The following NELL1 variants were observed in gnomAD, a reference collection of about 807,000 sequenced individuals.
The protein encoded by NELL1 is protein kinase C-binding protein NELL1.
In NELL1, 76 loss-of-function variants were observed where a neutral mutation model predicts 107.4. The ratio of observed to expected loss-of-function variants is 0.71; its 90% CI spans 0.59 to 0.86. NELL1 has a LOEUF of 0.86. Ranked by LOEUF, NELL1 falls within the 40% of genes least tolerant of loss-of-function variation. The pLI, the probability that NELL1 is intolerant of heterozygous loss-of-function variation, is 0.00. For missense variants in NELL1, 1,024 were observed against 1,005.5 expected (o/e 1.02, Z -0.25); for synonymous variants, 353 against 341.2 (o/e 1.03, Z -0.38).
At chr11:21,211,618 T>C (rs766957421) in intron 13 of NELL1, among the ~76,000 whole-genome samples, 1 of 152,084 alleles carries the variant, frequency 6.6e-6, no homozygotes, top group African/African-American at 2.4e-5. Flanking sequence ...ATTGGGAAGC[T>C]ATAGCAATAG....
intron 15 of NELL1, among the ~76,000 whole-genome samples, chr11:21,493,869 A>G (rs1854902874): frequency 6.6e-6 from 1 of 152,030 alleles, no homozygotes; most frequent in Non-Finnish European, 1.5e-5. Flanking sequence ...TACCCTATAA[A>G]TATGTAAAAT....
Position 20,847,636 on chromosome 11 carries a change from T to C in NELL1, c.389T>C (p.Ile130Thr). Reference sequence around the variant, plus strand: ...AGGGATGAGATTCGGTATCACTACATACACAATGGGAAGCCAAGGACAGAG... The same window carrying C: ...AGGGATGAGATTCGGTATCACTACACACACAATGGGAAGCCAAGGACAGAG... ...GLRDEIRYHY[I>T]HNGKPRTEAL... is the part of the protein sequence containing the mutation. Residue 130 changes from isoleucine (I) to threonine (T), a missense_variant, in exon 4 of 20, where the codon ATA becomes ACA. Coordinates refer to ENST00000357134, the MANE Select transcript of NELL1 (RefSeq NM_006157.5). 2 of 1,613,936 alleles carry C rather than the reference T, an allele frequency of 1.2e-6. No homozygotes were observed. The highest frequency in any genetic ancestry group is 8.5e-7 in the Non-Finnish European group (1 of 1,179,886).
intron 10 of NELL1, among the ~76,000 whole-genome samples, chr11:20,944,338 A>T (rs540177750): frequency 8.6e-5 from 13 of 151,710 alleles, no homozygotes; most frequent in South Asian, 2.1e-4. Context: ...TAATTTTTAA[A>T]AAAAAATCAA....
chr11:21,195,965 A>T (rs890508147), intron 13 of NELL1, among the ~76,000 whole-genome samples: 4 of 152,226 alleles, frequency 2.6e-5, no homozygotes, highest in African/African-American at 7.2e-5. Context: ...ATTTTCCTGA[A>T]GAACGAAGTC....
intron 14 of NELL1, among the ~76,000 whole-genome samples, chr11:21,283,230 CAT>C (rs1211967502): frequency 1.3e-5 from 2 of 152,092 alleles, no homozygotes; most frequent in African/African-American, 2.4e-5. Context: ...CATTTACCCT[CAT>C]GTGATTATTA....
At chr11:21,467,893 C>T (rs1854072394) in intron 15 of NELL1, among the ~76,000 whole-genome samples, 1 of 151,934 alleles carries the variant, frequency 6.6e-6, no homozygotes, top group Non-Finnish European at 1.5e-5. Context: ...GAATTTTCTA[C>T]AACCTACTCT....
intron 15 of NELL1, among the ~76,000 whole-genome samples, chr11:21,495,394 A>C (rs1384465273): frequency 1.3e-5 from 2 of 152,100 alleles, no homozygotes; most frequent in Non-Finnish European, 2.9e-5. Flanking sequence ...ACATTTGTTT[A>C]AACAGTCATC....
At chr11:21,511,454 T>C (rs1223808047) in intron 15 of NELL1, among the ~76,000 whole-genome samples, 1 of 152,064 alleles carries the variant, frequency 6.6e-6, no homozygotes, top group Non-Finnish European at 1.5e-5. Context: ...TGATGTTGGA[T>C]GAGAAAGATA....
chr11:21,092,697 A>C (rs13340817), intron 12 of NELL1, among the ~76,000 whole-genome samples: 4,873 of 152,296 alleles, frequency 0.032, 254 homozygotes, highest in African/African-American at 0.11. Context: ...AGAAAAGGAA[A>C]CAGACAAAAT....
chr11:21,092,453 A>G (rs2133690946), intron 12 of NELL1, among the ~76,000 whole-genome samples: 1 of 152,354 alleles, frequency 6.6e-6, no homozygotes, highest in Non-Finnish European at 1.5e-5. Context: ...TGAGAATTAA[A>G]TGAGTTAATA....
At chr11:21,090,329 T>C (rs1223846488) in intron 12 of NELL1, among the ~76,000 whole-genome samples, 2 of 152,094 alleles carry the variant, frequency 1.3e-5, no homozygotes, top group Non-Finnish European at 2.9e-5. Flanking sequence ...AAGCAAAATA[T>C]AGTACAGCCA....
chr11:20,675,907 C>T (rs1403591337), intron 1 of NELL1, among the ~76,000 whole-genome samples: 1 of 151,874 alleles, frequency 6.6e-6, no homozygotes, highest in Non-Finnish European at 1.5e-5. Context: ...GCCACCATGC[C>T]CGGCTAATTT....
At chr11:21,366,562 C>T (rs530117596) in intron 14 of NELL1, among the ~76,000 whole-genome samples, 10 of 152,178 alleles carry the variant, frequency 6.6e-5, no homozygotes, top group African/African-American at 2.2e-4. Flanking sequence ...CGCATCGAAG[C>T]ACATAGAGCT....
intron 2 of NELL1, among the ~76,000 whole-genome samples, chr11:20,709,078 C>G (rs1043838727): frequency 2.0e-5 from 3 of 152,128 alleles, no homozygotes; most frequent in Non-Finnish European, 4.4e-5. Flanking sequence ...TACTGCTCAC[C>G]TGCTGCTGTG....
intron 13 of NELL1, among the ~76,000 whole-genome samples, chr11:21,195,498 T>A (rs1480791391): frequency 6.7e-6 from 1 of 150,214 alleles, no homozygotes; most frequent in Non-Finnish European, 1.5e-5. Flanking sequence ...TCACACCTGC[T>A]CTGCAGAGTC....
intron 15 of NELL1, among the ~76,000 whole-genome samples, chr11:21,473,632 A>G (rs959515594): frequency 2.0e-5 from 3 of 152,072 alleles, no homozygotes; most frequent in Non-Finnish European, 4.4e-5. Flanking sequence ...CTAACTTGGC[A>G]TTCCCTTAGT....
At chr11:20,883,110 T>C (rs1418700095) in intron 4 of NELL1, among the ~76,000 whole-genome samples, 1 of 41,552 alleles carries the variant, frequency 2.4e-5, no homozygotes, top group East Asian at 1.3e-3. Flanking sequence ...GCAGACTGCC[T>C]CTTGGAACAG....
intron 5 of NELL1, among the ~76,000 whole-genome samples, chr11:20,886,237 A>G (rs1849505467): frequency 6.6e-6 from 1 of 152,112 alleles, no homozygotes; most frequent in Non-Finnish European, 1.5e-5. Flanking sequence ...CTGCGTGTGT[A>G]CCCCCTACAT....
Position 21,229,456 on chromosome 11 carries a change from TA to T in NELL1, c.1549+3del. 6.2e-7 allele frequency: 1 copy of T among 1,613,570 alleles called. No individual in the cohort carries two copies. The highest frequency in any genetic ancestry group is 8.5e-7 in the Non-Finnish European group (1 of 1,179,748). On this transcript the variant is annotated splice_donor_region_variant and intron_variant, in intron 14 of 19. Transcript: ENST00000357134. Reference sequence around the variant, plus strand: ...TGGGGAACGGGACCATCTGCAGAGGTAGGCTTGCCGCCTTAGTGTTGAGTTG... The same window carrying T: ...TGGGGAACGGGACCATCTGCAGAGGTGGCTTGCCGCCTTAGTGTTGAGTTG...
Sources: allele counts gnomAD v4.1 joint callset (sites outside exome capture counted in the v4.1 genomes callset), GRCh38; gene constraint gnomAD v4.1.1; transcripts MANE v1.5; gene names NCBI Gene and HGNC (gene_info 2026-07-23, HGNC 2026-07-21).